Variants in PFDN4 observed in about 807,000 individuals in gnomAD.
PFDN4 encodes the protein prefoldin 4.
In PFDN4, 6 loss-of-function variants were observed where a neutral mutation model predicts 17.6. That is an observed-to-expected ratio of 0.34 (90% CI 0.19 to 0.67). PFDN4 has a LOEUF of 0.67. Among genes scored for constraint, PFDN4 ranks in the 30% least tolerant of loss-of-function variants. PFDN4 has a pLI of 0.68. For synonymous variants in PFDN4, 48 were observed against 51.1 expected (o/e 0.94, Z 0.26); for missense variants, 119 against 158.4 (o/e 0.75, Z 1.33).
intron 3 of PFDN4, among the ~76,000 whole-genome samples, chr20:54,218,357 A>G (rs553656072): frequency 2.6e-5 from 4 of 152,172 alleles, no homozygotes; most frequent in South Asian, 4.1e-4. Context: ...TAAATTGACA[A>G]TTTATAATTG....
At chr20:54,218,709 A>T (rs1201873549) in intron 3 of PFDN4, among the ~76,000 whole-genome samples, 1 of 152,238 alleles carries the variant, frequency 6.6e-6, no homozygotes, top group Non-Finnish European at 1.5e-5. Context: ...CAGGCCCAGG[A>T]TAAACTATTT....
intron 3 of PFDN4, among the ~76,000 whole-genome samples, chr20:54,218,388 C>T (rs781548179): frequency 9.3e-5 from 14 of 151,314 alleles, no homozygotes; most frequent in East Asian, 3.9e-4. Flanking sequence ...TGGTGTAAAA[C>T]GGGATGTTAT....
At position 54,210,337 on chromosome 20, in the gene PFDN4, C is replaced by T. The variant is rs987068845; in HGVS notation, c.24+2213C>T. Among the ~76,000 whole-genome samples, 9 of 152,274 alleles carry T rather than the reference C, an allele frequency of 5.9e-5. No homozygotes were observed. In the East Asian group the frequency reaches 1.5e-3, roughly 26 times the overall value. On this transcript the variant is annotated intron_variant, in intron 1 of 3. Coordinates refer to ENST00000371419, the MANE Select transcript of PFDN4 (RefSeq NM_002623.4). Reference sequence around the variant, plus strand: ...TGTTTCCAGTGTTAGGAACAATTCCCGATAGATTAGCTTGCATGTACACTT... The same window carrying T: ...TGTTTCCAGTGTTAGGAACAATTCCTGATAGATTAGCTTGCATGTACACTT...
At chr20:54,218,847 G>A (rs1174634651) in intron 3 of PFDN4, among the ~76,000 whole-genome samples, 172 bp from the exon 4 acceptor site, 1 of 152,196 alleles carries the variant, frequency 6.6e-6, no homozygotes, top group African/African-American at 2.4e-5. Flanking sequence ...TATGGACCAT[G>A]AATTAAAAAT....
chr20:54,208,087 A>C lies in PFDN4; in HGVS notation c.-14A>C. 6.4e-7 allele frequency: 1 copy of C among 1,551,502 alleles called. No individual in the cohort carries two copies. Among genetic ancestry groups the C allele is most frequent in the Non-Finnish European group, 8.7e-7 (1 of 1,148,096 alleles). ...TGCGGCCCTCCCCGCCGCCTGCGGT[A>C]GTCCAGTCCCAAGATGGCGGCCACC... On this transcript the variant is annotated 5_prime_UTR_variant, in exon 1 of 4. Coordinates refer to ENST00000371419, the MANE Select transcript of PFDN4 (RefSeq NM_002623.4).
chr20:54,217,139 G>A (rs1022150110), intron 3 of PFDN4, among the ~76,000 whole-genome samples: 3 of 152,164 alleles, frequency 2.0e-5, no homozygotes, highest in African/African-American at 7.2e-5. Flanking sequence ...ATAATGAGTA[G>A]AAAGTGATAT....
chr20:54,218,708 G>T (rs1430425154), intron 3 of PFDN4, among the ~76,000 whole-genome samples: 1 of 152,200 alleles, frequency 6.6e-6, no homozygotes, highest in Non-Finnish European at 1.5e-5. Flanking sequence ...GCAGGCCCAG[G>T]ATAAACTATT....
intron 3 of PFDN4, 131 bp downstream of exon 3, chr20:54,215,571 G>A (rs901481558): frequency 2.4e-5 from 14 of 572,004 alleles, no homozygotes; most frequent in African/African-American, 1.3e-4. Context: ...GGCATGCTCC[G>A]AATGCTTTGC....
intron 3 of PFDN4, 98 bp from the exon 4 acceptor site, chr20:54,218,921 G>A (rs1244781390): frequency 1.9e-5 from 14 of 745,330 alleles, no homozygotes; most frequent in Non-Finnish European, 3.0e-5. Flanking sequence ...AAGTTTAGAA[G>A]GTTCTTGACC....
chr20:54,218,180 T>C (rs2092765183), intron 3 of PFDN4, among the ~76,000 whole-genome samples: 1 of 151,410 alleles, frequency 6.6e-6, no homozygotes, highest in African/African-American at 2.4e-5. Context: ...TAATGGCTTT[T>C]TTTTTTTTTT....
Position 54,209,538 on chromosome 20 carries a change from A to C in PFDN4, c.24+1414A>C, listed in dbSNP as rs981116707. On this transcript the variant is annotated intron_variant, in intron 1 of 3. Transcript: ENST00000371419. The stretch of plus-strand genomic sequence containing the variant: ...GTAGGGTCTAGGGCCATGGTGATTC[A>C]AAAAAGTATGAAACTTTGTGAGATT... Among the ~76,000 whole-genome samples the C allele has an allele frequency of 2.0e-5, 3 of 152,200 alleles. No individual in the cohort carries two copies. In the South Asian group the frequency reaches 6.2e-4, roughly 32 times the overall value.
chr20:54,209,630 A>G (rs1023044017), intron 1 of PFDN4, among the ~76,000 whole-genome samples: 2 of 152,236 alleles, frequency 1.3e-5, no homozygotes, highest in African/African-American at 4.8e-5. Flanking sequence ...TCCTTGGAAG[A>G]TACTAGTTGT....
intron 1 of PFDN4, chr20:54,208,333 G>C (rs951479750): frequency 2.2e-6 from 1 of 451,256 alleles, no homozygotes; most frequent in Non-Finnish European, 3.8e-6. Flanking sequence ...GCCGAGGCGG[G>C]GCGCCGGGGC....
In PFDN4 at chr20:54,215,408, G is replaced by C. The variant is rs1438953729; in HGVS notation, c.241G>C (p.Glu81Gln). Residue 81 changes from glutamate (E) to glutamine (Q), a missense_variant, in exon 3 of 4, where the codon GAA becomes CAA. Glu to Gln is a conservative substitution (Grantham distance 29, BLOSUM62 2). Transcript: ENST00000371419. ...TGATGTCTTCATTAGCCATTCTCAA[G>C]AAGAAACGCAAGAAATGTTAGAAGA... ...IGDVFISHSQEETQEMLEEAK... is the reference protein window; with the variant it reads ...IGDVFISHSQQETQEMLEEAK... 6.2e-7 allele frequency: 1 copy of C among 1,602,210 alleles called. No individual in the cohort carries two copies. Among genetic ancestry groups the C allele is most frequent in the East Asian group, 2.2e-5 (1 of 44,664 alleles).
chr20:54,215,133 T>C (rs1450531908), intron 2 of PFDN4, among the ~76,000 whole-genome samples, 167 bp from the exon 3 acceptor site: 3 of 152,242 alleles, frequency 2.0e-5, no homozygotes, highest in African/African-American at 7.2e-5. Context: ...AAGTGCTTGC[T>C]TGTGAAATGT....
intron 2 of PFDN4, among the ~76,000 whole-genome samples, chr20:54,214,902 T>C (rs924070739): frequency 3.9e-5 from 6 of 152,214 alleles, no homozygotes; most frequent in Admixed American, 3.3e-4. Flanking sequence ...TATTATCACT[T>C]ATGCATGCTG....
chr20:54,219,884 T>C lies in PFDN4; in HGVS notation c.*734T>C, dbSNP rs1779531442. The stretch of plus-strand genomic sequence containing the variant: ...TAATTGGGGTTTATATTGATAAAGA[T>C]GTGGAAGTTAAACAGCTATGTATGT... On this transcript the variant is annotated 3_prime_UTR_variant, in exon 4 of 4. Transcript: ENST00000371419. The C allele has an allele frequency of 2.5e-6, 1 of 394,160 alleles. No homozygotes were observed. Among genetic ancestry groups the C allele is most frequent in the African/African-American group, 2.1e-5 (1 of 48,522 alleles). 24.4% of individuals were successfully genotyped at this position (394,160 alleles called of 1,614,324 possible).
At chr20:54,209,099 G>A (rs1418181128) in intron 1 of PFDN4, among the ~76,000 whole-genome samples, 3 of 152,168 alleles carry the variant, frequency 2.0e-5, no homozygotes, top group Non-Finnish European at 4.4e-5. Flanking sequence ...AGTGTGCTAG[G>A]TACAGCTGTA....
intron 1 of PFDN4, among the ~76,000 whole-genome samples, chr20:54,212,544 T>A (rs1277350443): frequency 6.6e-6 from 1 of 152,204 alleles, no homozygotes; most frequent in Non-Finnish European, 1.5e-5. Context: ...AAACTATGTG[T>A]TTGAGTCTGA....
Sources: gnomAD v4.1 joint callset for allele counts (sites outside exome capture counted in the v4.1 genomes callset) on GRCh38, gnomAD v4.1.1 for gene constraint, MANE v1.5 for transcripts, NCBI Gene and HGNC (gene_info 2026-07-23, HGNC 2026-07-21) for gene names.